Variants in LYRM4 observed in about 807,000 individuals in gnomAD.
LYRM4 encodes LYR motif-containing protein 4.
In LYRM4, 9 loss-of-function variants were observed where a neutral mutation model predicts 11.7. The ratio of observed to expected loss-of-function variants is 0.77; its 90% CI spans 0.46 to 1.34. LYRM4 has a LOEUF of 1.34. Ranked by LOEUF, LYRM4 falls within the 40% of genes most tolerant of loss-of-function variation. The pLI is 0.00. For synonymous variants in LYRM4, 42 were observed against 40.4 expected, an observed-to-expected ratio of 1.04 and a Z score of -0.15; for missense variants, 133 against 112.5, an observed-to-expected ratio of 1.18 and a Z score of -0.82.
At chr6:5,227,684 C>A (rs1030268267) in intron 1 of LYRM4, among the ~76,000 whole-genome samples, 1 of 151,648 alleles carries the variant, frequency 6.6e-6, no homozygotes, top group South Asian at 2.1e-4. Flanking sequence ...CACATGCACA[C>A]GTATGTTTAC....
At chr6:5,222,595 G>A (rs755640893) in intron 1 of LYRM4, among the ~76,000 whole-genome samples, 37 of 152,046 alleles carry the variant, frequency 2.4e-4, no homozygotes, top group Non-Finnish European at 4.6e-4. Flanking sequence ...CTTGAATGGG[G>A]CGGTGTTTTC....
chr6:5,226,666 C>T (rs951831746), intron 1 of LYRM4, among the ~76,000 whole-genome samples: 4 of 152,092 alleles, frequency 2.6e-5, no homozygotes, highest in African/African-American at 4.8e-5. Context: ...CGTGAGCCAC[C>T]GCGCCTGGCC....
intron 2 of LYRM4, among the ~76,000 whole-genome samples, chr6:5,117,133 C>T (rs546340014): frequency 1.4e-4 from 21 of 152,308 alleles, no homozygotes; most frequent in Admixed American, 1.4e-3. Context: ...AGTTCCTTCC[C>T]AGGGCCCAAA....
the LYRM4 span, among the ~76,000 whole-genome samples, chr6:5,058,220 A>G: frequency 4.6e-5 from 7 of 152,164 alleles, no homozygotes; most frequent in African/African-American, 1.7e-4. Flanking sequence ...CCTGAGTTCC[A>G]TGAAACCATG....
At position 5,156,725 on chromosome 6, in the gene LYRM4, C is replaced by CCAGAAA. The variant is rs1343270984; in HGVS notation, c.208-47240_208-47235dup. Among the ~76,000 whole-genome samples, 6 of 152,202 alleles carry CCAGAAA rather than the reference C, an allele frequency of 3.9e-5. No individual in the cohort carries two copies. In the East Asian group the frequency reaches 5.8e-4, roughly 15 times the overall value. The stretch of plus-strand genomic sequence containing the variant: ...TCCTATAATCTGTTTTGTGCTAAAC[C>CCAGAAA]CAGAAACAGAAACAGAAACACCCAG... On this transcript the variant is annotated intron_variant, in intron 2 of 2. Transcript: ENST00000330636.
chr6:5,040,336 GATAGATAGATAGATAGATACATACATAC>G, the LYRM4 span, among the ~76,000 whole-genome samples: 1 of 139,308 alleles, frequency 7.2e-6, no homozygotes, highest in African/African-American at 2.7e-5. Context: ...TAGATAGATA[GATAGATAGATAGATAGATACATACATAC>G]ATACATACAT....
At chr6:5,142,926 C>T (rs1270484033) in intron 2 of LYRM4, among the ~76,000 whole-genome samples, 2 of 152,240 alleles carry the variant, frequency 1.3e-5, no homozygotes, top group African/African-American at 2.4e-5. Flanking sequence ...AGATGTCTCC[C>T]AGGAGGCCGC....
At chr6:5,193,035 A>T (rs1010676664) in intron 2 of LYRM4, among the ~76,000 whole-genome samples, 3 of 152,156 alleles carry the variant, frequency 2.0e-5, no homozygotes, top group Non-Finnish European at 2.9e-5. Flanking sequence ...AAAACAAAAA[A>T]CAAAGTGCAT....
chr6:5,236,794 A>AAC (rs1763572067), intron 1 of LYRM4, among the ~76,000 whole-genome samples: 1 of 151,672 alleles, frequency 6.6e-6, no homozygotes, highest in African/African-American at 2.4e-5. Context: ...AAAAAAAAAA[A>AAC]AAAAAATTAA....
intron 1 of LYRM4, among the ~76,000 whole-genome samples, chr6:5,228,813 A>T (rs907271756): frequency 6.6e-6 from 1 of 151,326 alleles, no homozygotes; most frequent in Non-Finnish European, 1.5e-5. Flanking sequence ...ATCCTGGCTA[A>T]CACGGTGAAA....
rs1375248132 is a variant in LYRM4 at position 5,162,500 on chromosome 6, A to AGC, written c.208-53010_208-53009insGC. Among the ~76,000 whole-genome samples the AGC allele has an allele frequency of 1.6e-3, 224 of 142,438 alleles. 1 individual carries two copies. Among genetic ancestry groups the AGC allele is most frequent in the African/African-American group, 3.5e-3 (130 of 36,924 alleles). 93.4% of individuals were successfully genotyped at this position (142,438 alleles called of 152,430 possible). ...GAGATGGAGCGACAGAGAGCGAGCGAGAGAGAGAGAGAGAGAGAGAGAAAG... is the reference window on the plus strand; with the variant it reads ...GAGATGGAGCGACAGAGAGCGAGCGAGCGAGAGAGAGAGAGAGAGAGAGAAAG... On this transcript the variant is annotated intron_variant, in intron 2 of 2. Transcript: ENST00000330636.
intron 2 of LYRM4, among the ~76,000 whole-genome samples, chr6:5,128,435 C>A (rs1242328828): frequency 1.3e-5 from 2 of 152,158 alleles, no homozygotes; most frequent in African/African-American, 4.8e-5. Context: ...GTAAATGGAA[C>A]TACTGGGCTT....
chr6:5,118,094 A>ATATATATATTT lies in LYRM4; in HGVS notation c.208-8604_208-8603insAAATATATATA. On this transcript the variant is annotated intron_variant, in intron 2 of 2. Coordinates refer to ENST00000330636, the MANE Select transcript of LYRM4 (RefSeq NM_020408.6). ...TCACCAAAACAATATATATATATATATTTTTGTTTTGTTTTGTTTTGTTTT... is the reference window on the plus strand; with the variant it reads ...TCACCAAAACAATATATATATATATATATATATATTTTTTTTGTTTTGTTTTGTTTTGTTTT... Among the ~76,000 whole-genome samples, 112 of 86,114 alleles carry ATATATATATTT rather than the reference A, an allele frequency of 1.3e-3. 1 individual carries two copies. Among genetic ancestry groups the ATATATATATTT allele is most frequent in the Middle Eastern group, 5.3e-3 (1 of 188 alleles). 56.5% of individuals were successfully genotyped at this position (86,114 alleles called of 152,430 possible).
intron 2 of LYRM4, among the ~76,000 whole-genome samples, chr6:5,127,661 T>A (rs757082851): frequency 6.6e-6 from 1 of 152,190 alleles, no homozygotes; most frequent in African/African-American, 2.4e-5. Flanking sequence ...TAAATGACAA[T>A]CTTTTAAATA....
intron 2 of LYRM4, among the ~76,000 whole-genome samples, chr6:5,208,769 A>T (rs1761838469): frequency 6.6e-6 from 1 of 152,240 alleles, no homozygotes; most frequent in Non-Finnish European, 1.5e-5. Context: ...AAATTAGTTC[A>T]AATTCCTATT....
At position 5,109,351 on chromosome 6, in the gene LYRM4, G is replaced by A; in HGVS notation, c.*72C>T. ...AGGCTATTGTAAGCTGGTTTTGGGA[G>A]CCCCCATCTCAAACAGAGAGTGGAT... On this transcript the variant is annotated 3_prime_UTR_variant, in exon 3 of 3. Coordinates refer to ENST00000330636, the MANE Select transcript of LYRM4 (RefSeq NM_020408.6). The A allele has an allele frequency of 6.2e-7, 1 of 1,602,796 alleles. No individual in the cohort carries two copies. The highest frequency in any genetic ancestry group is 1.7e-5 in the Admixed American group (1 of 59,794).
chr6:5,214,367 A>G (rs2127720931), intron 2 of LYRM4, among the ~76,000 whole-genome samples: 1 of 152,282 alleles, frequency 6.6e-6, no homozygotes, highest in South Asian at 2.1e-4. Flanking sequence ...TTGAGATGGG[A>G]GCAAGAAGTT....
chr6:5,101,968 C>CTTTTTTTTTTTTT (rs397826404), downstream of LYRM4, among the ~76,000 whole-genome samples: 105 of 67,944 alleles, frequency 1.5e-3, 12 homozygotes, highest in East Asian at 5.2e-3. Context: ...CTAATGCTTT[C>CTTTTTTTTTTTTT]TTTTTTTTTT....
At chr6:5,160,486 G>A (rs749573535) in intron 2 of LYRM4, among the ~76,000 whole-genome samples, 4 of 152,016 alleles carry the variant, frequency 2.6e-5, no homozygotes, top group African/African-American at 7.2e-5. Context: ...TAGTGACTAA[G>A]TCTCACAAAA....
Sources: gnomAD v4.1 joint callset for allele counts (sites outside exome capture counted in the v4.1 genomes callset) on GRCh38, gnomAD v4.1.1 for gene constraint, MANE v1.5 for transcripts, NCBI Gene and HGNC (gene_info 2026-07-23, HGNC 2026-07-21) for gene names.